RGS5: variants seen among roughly 807,000 people sequenced by gnomAD.
The protein encoded by RGS5 is regulator of G-protein signalling 5.
A neutral mutation model predicts 18.9 loss-of-function variants in RGS5; 20 were observed. The ratio of observed to expected loss-of-function variants is 1.06; its 90% CI spans 0.74 to 1.54. The LOEUF (loss-of-function observed/expected upper bound fraction) is 1.54. Ranked by LOEUF, RGS5 falls within the 40% of genes most tolerant of loss-of-function variation. RGS5 has a pLI of 0.00. For synonymous variants in RGS5, 57 were observed against 76.2 expected, an observed-to-expected ratio of 0.75 and a Z score of 1.31; for missense variants, 201 against 211.8, an observed-to-expected ratio of 0.95 and a Z score of 0.32.
chr1:163,213,211 G>A (rs930918855), intron 1 of RGS5, among the ~76,000 whole-genome samples: 4 of 151,976 alleles, frequency 2.6e-5, no homozygotes, highest in Non-Finnish European at 5.9e-5. Flanking sequence ...GCTATTAGTT[G>A]CTATGCATTA....
intron 1 of RGS5, among the ~76,000 whole-genome samples, chr1:163,180,128 T>A (rs545257073): frequency 4.6e-4 from 70 of 152,166 alleles, no homozygotes; most frequent in Non-Finnish European, 7.5e-4. Context: ...GCTCAACCAA[T>A]TCTTCTAACT....
At chr1:163,198,600 C>T (rs764798102) in intron 1 of RGS5, among the ~76,000 whole-genome samples, 41 of 151,952 alleles carry the variant, frequency 2.7e-4, no homozygotes, top group Non-Finnish European at 5.3e-4. Flanking sequence ...ATAAAGCAAC[C>T]AGTTCAATTA....
chr1:163,285,078 C>G (rs1302166386), intron 2 of RGS5, among the ~76,000 whole-genome samples: 1 of 152,150 alleles, frequency 6.6e-6, no homozygotes, highest in Non-Finnish European at 1.5e-5. Flanking sequence ...ACCATGAGAA[C>G]AGTATGGGGT....
chr1:163,238,418 A>G (rs1647689181), intron 2 of RGS5: 1 of 152,294 alleles, frequency 6.6e-6, no homozygotes, highest in Admixed American at 6.5e-5. Context: ...AATTTCCAAA[A>G]TGCTCCAGGA....
intron 2 of RGS5, among the ~76,000 whole-genome samples, chr1:163,228,202 G>A (rs1466155216): frequency 6.6e-6 from 1 of 152,220 alleles, no homozygotes; most frequent in South Asian, 2.1e-4. Context: ...CATCCTCACT[G>A]CCATAGCAGA....
chr1:163,275,172 C>T (rs1022135691), intron 2 of RGS5, among the ~76,000 whole-genome samples: 1 of 152,174 alleles, frequency 6.6e-6, no homozygotes, highest in Non-Finnish European at 1.5e-5. Flanking sequence ...TTTTTATTAA[C>T]CCCTAACTTT....
chr1:163,313,649 T>G (rs1649933769), intron 1 of RGS5, among the ~76,000 whole-genome samples: 1 of 152,150 alleles, frequency 6.6e-6, no homozygotes, highest in African/African-American at 2.4e-5. Flanking sequence ...ATTCAAAGTA[T>G]CCAACCAACT....
intron 2 of RGS5, among the ~76,000 whole-genome samples, chr1:163,228,091 T>A (rs992698936): frequency 9.2e-5 from 14 of 152,198 alleles, no homozygotes; most frequent in Non-Finnish European, 1.8e-4. Context: ...GGATCTACCA[T>A]TCTGGGGTCT....
intron 2 of RGS5, among the ~76,000 whole-genome samples, chr1:163,231,400 G>T (rs913583441): frequency 2.0e-5 from 3 of 152,140 alleles, no homozygotes; most frequent in African/African-American, 7.2e-5. Flanking sequence ...AAAGACAAGA[G>T]TTTGTGATCA....
chr1:163,314,124 C>T (rs1649949547), intron 1 of RGS5, among the ~76,000 whole-genome samples: 1 of 151,968 alleles, frequency 6.6e-6, no homozygotes, highest in African/African-American at 2.4e-5. Flanking sequence ...GCATCTGGTA[C>T]ATCTTCTGCA....
intron 2 of RGS5, among the ~76,000 whole-genome samples, chr1:163,295,315 G>A (rs1649394858): frequency 6.6e-6 from 1 of 152,088 alleles, no homozygotes; most frequent in Admixed American, 6.6e-5. Flanking sequence ...CAAACATTTA[G>A]AAACCTTCTT....
intron 1 of RGS5, among the ~76,000 whole-genome samples, chr1:163,215,028 C>G (rs1369330007): frequency 6.6e-6 from 1 of 152,158 alleles, no homozygotes; most frequent in Non-Finnish European, 1.5e-5. Context: ...TCATTTACTA[C>G]AAACACACAC....
At chr1:163,233,352 G>C (rs1210985110) in intron 2 of RGS5, among the ~76,000 whole-genome samples, 2 of 152,198 alleles carry the variant, frequency 1.3e-5, no homozygotes, top group South Asian at 4.1e-4. Flanking sequence ...TGTAATAAAA[G>C]ATGTTTTAAA....
chr1:163,198,929 C>T (rs1365848288), intron 1 of RGS5, among the ~76,000 whole-genome samples: 2 of 152,134 alleles, frequency 1.3e-5, no homozygotes, highest in African/African-American at 4.8e-5. Context: ...CTTGGCCTCC[C>T]AAAGTGCTGG....
intron 1 of RGS5, among the ~76,000 whole-genome samples, chr1:163,209,689 G>C (rs911121043): frequency 6.6e-6 from 1 of 151,978 alleles, no homozygotes; most frequent in African/African-American, 2.4e-5. Flanking sequence ...TTCTTATTAA[G>C]TGTATATTTT....
At chr1:163,247,757 A>G (rs1165141415) in intron 2 of RGS5, among the ~76,000 whole-genome samples, 1 of 152,090 alleles carries the variant, frequency 6.6e-6, no homozygotes, top group African/African-American at 2.4e-5. Flanking sequence ...TGTATCTTTT[A>G]CAATGTTCTC....
At chr1:163,254,606 A>G (rs1398329729) in intron 2 of RGS5, among the ~76,000 whole-genome samples, 2 of 151,890 alleles carry the variant, frequency 1.3e-5, no homozygotes, top group Non-Finnish European at 2.9e-5. Context: ...TTGCCTGTTC[A>G]CTCTGATGGT....
chr1:163,223,279 T>G (rs1571302483), intron 2 of RGS5, among the ~76,000 whole-genome samples: 1 of 152,212 alleles, frequency 6.6e-6, no homozygotes, highest in African/African-American at 2.4e-5. Context: ...CATTGCCAAC[T>G]GACCACTTCT....
chr1:163,156,860 A>G (rs1258772394), intron 3 of RGS5, among the ~76,000 whole-genome samples: 3 of 152,232 alleles, frequency 2.0e-5, no homozygotes, highest in Non-Finnish European at 2.9e-5. Flanking sequence ...CAATCATTAA[A>G]TTAACATATG....
Sources: gnomAD v4.1 joint callset for allele counts (sites outside exome capture counted in the v4.1 genomes callset) on GRCh38, gnomAD v4.1.1 for gene constraint, MANE v1.5 for transcripts, NCBI Gene and HGNC (gene_info 2026-07-23, HGNC 2026-07-21) for gene names.